The following OSBPL10 variants were observed in gnomAD, a reference collection of about 807,000 sequenced individuals.
The protein encoded by OSBPL10 is oxysterol-binding protein-related protein 10.
A neutral mutation model predicts 81.7 loss-of-function variants in OSBPL10; 49 were observed. The ratio of observed to expected loss-of-function variants is 0.60; its 90% CI spans 0.48 to 0.76. The LOEUF is 0.76. Ranked by LOEUF, OSBPL10 falls within the 30% of genes least tolerant of loss-of-function variation. The probability of loss-of-function intolerance (pLI) is 0.00; values close to 1 mark genes in which losing one functional copy is unlikely to be tolerated. For synonymous variants in OSBPL10, 419 were observed against 383.6 expected (o/e 1.09, Z -1.08); for missense variants, 923 against 987.8 (o/e 0.93, Z 0.88).
At chr3:31,691,855 T>C (rs1256656133) in intron 7 of OSBPL10, among the ~76,000 whole-genome samples, 2 of 152,066 alleles carry the variant, frequency 1.3e-5, no homozygotes, top group East Asian at 3.9e-4. Context: ...CAAAGGTTCA[T>C]TTATGTCCTA....
chr3:31,831,656 CA>C (rs1197179500), intron 3 of OSBPL10, among the ~76,000 whole-genome samples: 1 of 152,164 alleles, frequency 6.6e-6, no homozygotes, highest in African/African-American at 2.4e-5. Context: ...CAACTGTACT[CA>C]GAAGATAAAT....
chr3:31,683,659 G>A lies in OSBPL10; in HGVS notation c.1701C>T (p.Ser567=), dbSNP rs780079896. 56 of 1,612,866 alleles carry A rather than the reference G, an allele frequency of 3.5e-5. No individual in the cohort carries two copies. The highest frequency in any genetic ancestry group is 4.6e-5 in the Non-Finnish European group (54 of 1,179,152). The part of the protein sequence containing the change: ...VWTKSKFMGM[S]VGVSMIGEGV... The stretch of plus-strand genomic sequence containing the variant: ...CTTCCCCTATCATAGAGACCCCCAC[G>A]GACATGCCCATGAACTTGCTTTTGG... Residue 567 remains serine, a synonymous_variant, in exon 8 of 12, where the codon TCC becomes TCT. Coordinates refer to ENST00000396556, the MANE Select transcript of OSBPL10 (RefSeq NM_017784.5).
In OSBPL10 at chr3:31,980,885, G is replaced by T; in HGVS notation, c.281+14C>A. On this transcript the variant is annotated intron_variant, in intron 1 of 11. Coordinates refer to ENST00000396556, the MANE Select transcript of OSBPL10 (RefSeq NM_017784.5). ...CACAGCGGCGCGCGGTGGCGCGGGC[G>T]GCTGGCGCGTTACCTGTTCTGCCAG... 6.4e-7 allele frequency: 1 copy of T among 1,554,084 alleles called. No individual in the cohort carries two copies. Among genetic ancestry groups the T allele is most frequent in the East Asian group, 2.5e-5 (1 of 39,340 alleles).
At chr3:31,941,982 A>G (rs1333271898) in intron 1 of OSBPL10, among the ~76,000 whole-genome samples, 1 of 152,200 alleles carries the variant, frequency 6.6e-6, no homozygotes, top group East Asian at 1.9e-4. Flanking sequence ...CCAGTCGAGA[A>G]TGCAATGTAT....
chr3:32,022,326 T>G (rs1699369244), intron 2 of OSBPL10, among the ~76,000 whole-genome samples: 1 of 152,188 alleles, frequency 6.6e-6, no homozygotes, highest in Non-Finnish European at 1.5e-5. Flanking sequence ...CAGCTCATAC[T>G]TAAGACCCAA....
At chr3:31,816,636 C>T (rs1191880027) in intron 4 of OSBPL10, among the ~76,000 whole-genome samples, 1 of 152,130 alleles carries the variant, frequency 6.6e-6, no homozygotes, top group Non-Finnish European at 1.5e-5. Flanking sequence ...CCCTTTTCTT[C>T]CTGGAAACAT....
chr3:31,722,813 A>C (rs1485924185), intron 6 of OSBPL10, among the ~76,000 whole-genome samples: 1 of 152,166 alleles, frequency 6.6e-6, no homozygotes, highest in East Asian at 1.9e-4. Flanking sequence ...TTAAACTCAT[A>C]ATGTGGGCTA....
chr3:31,806,798 G>C (rs1699532444), intron 4 of OSBPL10, among the ~76,000 whole-genome samples: 1 of 151,948 alleles, frequency 6.6e-6, no homozygotes, highest in Non-Finnish European at 1.5e-5. Context: ...TTGGGGGGTG[G>C]GGGGAGCCAT....
intron 3 of OSBPL10, among the ~76,000 whole-genome samples, chr3:31,867,140 C>T (rs1559497971): frequency 6.6e-6 from 1 of 152,178 alleles, no homozygotes; most frequent in Non-Finnish European, 1.5e-5. Context: ...GACCTACTGC[C>T]ATCCTCAGTG....
At chr3:31,669,608 A>AT (rs1485990786) in intron 9 of OSBPL10, among the ~76,000 whole-genome samples, 2 of 152,126 alleles carry the variant, frequency 1.3e-5, no homozygotes, top group Non-Finnish European at 2.9e-5. Flanking sequence ...TCAACCTCTC[A>AT]TTTAAAGGGC....
intron 3 of OSBPL10, among the ~76,000 whole-genome samples, chr3:31,868,255 CA>C (rs1286328835): frequency 1.3e-5 from 2 of 152,032 alleles, no homozygotes; most frequent in Non-Finnish European, 2.9e-5. Context: ...AGGTAATATT[CA>C]TAATCTTGAA....
At chr3:31,726,231 T>C (rs1185119589) in intron 6 of OSBPL10, among the ~76,000 whole-genome samples, 2 of 152,168 alleles carry the variant, frequency 1.3e-5, no homozygotes, top group Non-Finnish European at 2.9e-5. Flanking sequence ...GGAGTAGGTA[T>C]GTGATCTAGT....
Position 31,748,063 on chromosome 3 carries a change from G to T in OSBPL10, c.787C>A (p.Pro263Thr), listed in dbSNP as rs1439963594. 2 of 1,614,024 alleles carry T rather than the reference G, an allele frequency of 1.2e-6. No homozygotes were observed. Among genetic ancestry groups the T allele is most frequent in the African/African-American group, 2.7e-5 (2 of 74,920 alleles). ...KNLVHAIESLPGSGPLTALDQ... is the reference protein window; with the variant it reads ...KNLVHAIESLTGSGPLTALDQ... The stretch of plus-strand genomic sequence containing the variant: ...AAGGCAGTGAGGGGGCCGGACCCTG[G>T]CAGGGACTCAATGGCGTGCACAAGG... The change falls in exon 5 of 12, where the codon CCA (proline) becomes ACA (threonine). Residue 263 changes from proline (P) to threonine (T), a missense_variant. Transcript: ENST00000396556.
At chr3:31,940,571 C>T (rs1164898509) in intron 1 of OSBPL10, among the ~76,000 whole-genome samples, 1 of 152,164 alleles carries the variant, frequency 6.6e-6, no homozygotes, top group Non-Finnish European at 1.5e-5. Flanking sequence ...TGGCAAAGGC[C>T]TTTGGGATTT....
At chr3:31,789,763 CT>C (rs1698965056) in intron 4 of OSBPL10, among the ~76,000 whole-genome samples, 1 of 152,202 alleles carries the variant, frequency 6.6e-6, no homozygotes, top group African/African-American at 2.4e-5. Context: ...AAGACTCTCC[CT>C]CTGCAAGGTT....
chr3:32,030,477 G>A (rs117559618), intron 2 of OSBPL10: 19,465 of 696,688 alleles, frequency 0.028, 482 homozygotes, highest in East Asian at 0.11. Context: ...TGCGTATTAA[G>A]CGTATTAAGC....
chr3:31,802,862 T>G (rs1171309701), intron 4 of OSBPL10, among the ~76,000 whole-genome samples: 1 of 152,110 alleles, frequency 6.6e-6, no homozygotes, highest in African/African-American at 2.4e-5. Context: ...GATGGAAGCT[T>G]GTGCCAGTGA....
At chr3:32,071,435 C>T (rs1291030230) in intron 1 of OSBPL10, among the ~76,000 whole-genome samples, 1 of 149,770 alleles carries the variant, frequency 6.7e-6, no homozygotes, top group Non-Finnish European at 1.5e-5. Flanking sequence ...AGACTGCTCC[C>T]ACACTAGCTC....
chr3:31,930,093 A>C (rs1697198950), intron 1 of OSBPL10, among the ~76,000 whole-genome samples: 2 of 151,584 alleles, frequency 1.3e-5, no homozygotes, highest in African/African-American at 4.8e-5. Context: ...TCACTTGAGC[A>C]CTTGAGACCA....
Sources: gnomAD v4.1 joint callset for allele counts (sites outside exome capture counted in the v4.1 genomes callset) on GRCh38, gnomAD v4.1.1 for gene constraint, MANE v1.5 for transcripts, NCBI Gene and HGNC (gene_info 2026-07-23, HGNC 2026-07-21) for gene names.